CHLSN: variants seen among roughly 807,000 people sequenced by gnomAD.
CHLSN encodes the protein protein cholesin.
At chr7:1,053,826 CA>C in the CHLSN span, among the ~76,000 whole-genome samples, 3 of 151,962 alleles carry the variant, frequency 2.0e-5, no homozygotes, top group African/African-American at 7.3e-5. Flanking sequence ...GACTCCATCT[CA>C]AAAAAACAAA....
the CHLSN span, among the ~76,000 whole-genome samples, chr7:1,037,043 G>A: frequency 1.4e-5 from 2 of 145,898 alleles, no homozygotes; most frequent in South Asian, 2.3e-4. Context: ...CCTGGGAGGC[G>A]GAGGCTGCAG....
At chr7:1,105,529 G>A in the CHLSN span, among the ~76,000 whole-genome samples, 1 of 152,198 alleles carries the variant, frequency 6.6e-6, no homozygotes, top group South Asian at 2.1e-4. Flanking sequence ...GTGACACTAT[G>A]TGCAAAACCA....
At chr7:1,068,743 T>C in the CHLSN span, among the ~76,000 whole-genome samples, 2 of 152,176 alleles carry the variant, frequency 1.3e-5, no homozygotes, top group Admixed American at 1.3e-4. Context: ...TGTCTGTTCT[T>C]ATCAGTCTGC....
the CHLSN span, among the ~76,000 whole-genome samples, chr7:991,719 G>A: frequency 9.6e-3 from 1,466 of 152,342 alleles, 16 homozygotes; most frequent in African/African-American, 0.032. Context: ...TAAAATACAC[G>A]TAGAGAAAAT....
At chr7:1,130,057 G>T in the CHLSN span, among the ~76,000 whole-genome samples, 468 of 152,300 alleles carry the variant, frequency 3.1e-3, 5 homozygotes, top group African/African-American at 9.9e-3. Context: ...CGGGTGGAGG[G>T]GCTCAAGGAC....
At chr7:986,793 G>A in the CHLSN span, 1 of 1,564,128 alleles carries the variant, frequency 6.4e-7, no homozygotes, top group Non-Finnish European at 8.7e-7. Flanking sequence ...ATCCAGCAGG[G>A]ACAGGTGTGT....
the CHLSN span, among the ~76,000 whole-genome samples, chr7:1,080,329 C>T: frequency 0.048 from 7,380 of 152,358 alleles, 260 homozygotes; most frequent in Middle Eastern, 0.082. Flanking sequence ...GGGACACAGA[C>T]CGCGGCACAG....
At chr7:982,219 G>C in the CHLSN span, among the ~76,000 whole-genome samples, 1 of 152,288 alleles carries the variant, frequency 6.6e-6, no homozygotes, top group South Asian at 2.1e-4. Context: ...CCCACCACAG[G>C]AGGCGTGCAA....
chr7:1,077,401 CGCCTCG>C, the CHLSN span, among the ~76,000 whole-genome samples: 13 of 152,218 alleles, frequency 8.5e-5, no homozygotes, highest in Non-Finnish European at 1.8e-4. Context: ...GTGATCCGCC[CGCCTCG>C]GCCTCCCAGA....
chr7:997,762 C>T, the CHLSN span: 1 of 1,610,184 alleles, frequency 6.2e-7, no homozygotes. Context: ...CCCTGCAGCC[C>T]CTCCAGGTAG....
chr7:1,092,942 C>T, the CHLSN span: 1 of 1,272,310 alleles, frequency 7.9e-7, no homozygotes, highest in Non-Finnish European at 1.1e-6. Context: ...CACGTCATGT[C>T]TCTAAACTGC....
At chr7:1,126,618 T>G in the CHLSN span, among the ~76,000 whole-genome samples, 1 of 151,528 alleles carries the variant, frequency 6.6e-6, no homozygotes, top group African/African-American at 2.4e-5. Flanking sequence ...GAGATGGAGG[T>G]TGCACTGAGC....
the CHLSN span, among the ~76,000 whole-genome samples, chr7:1,032,241 A>G: frequency 6.6e-6 from 1 of 152,184 alleles, no homozygotes; most frequent in Non-Finnish European, 1.5e-5. Context: ...CCGCCTGAAA[A>G]TAAAGTCTCT....
the CHLSN span, among the ~76,000 whole-genome samples, chr7:987,918 A>ATCCCCTGTGTGTCCTGGGGGGG: frequency 6.9e-5 from 7 of 102,016 alleles, no homozygotes; most frequent in Middle Eastern, 9.1e-3. Context: ...TGTCCTGGGG[A>ATCCCCTGTGTGTCCTGGGGGGG]TCCCCTGTGT....
chr7:987,376 C>T, the CHLSN span: 2 of 1,593,254 alleles, frequency 1.3e-6, no homozygotes, highest in Admixed American at 1.7e-5. Context: ...AGACCGCGTG[C>T]TGGGCCCTGG....
chr7:1,109,421 G>A, the CHLSN span: 1 of 152,194 alleles, frequency 6.6e-6, no homozygotes, highest in African/African-American at 2.4e-5. Context: ...GAATCCAGCC[G>A]ACACGCGTGG....
chr7:1,022,149 C>G, the CHLSN span, among the ~76,000 whole-genome samples: 2 of 152,200 alleles, frequency 1.3e-5, no homozygotes, highest in African/African-American at 4.8e-5. Context: ...CTGCACTGTT[C>G]GTGAGCCACG....
At chr7:978,789 C>T in the CHLSN span, among the ~76,000 whole-genome samples, 207 of 152,392 alleles carry the variant, frequency 1.4e-3, 1 homozygote, top group African/African-American at 4.6e-3. Flanking sequence ...TAACAAAGCA[C>T]CCCAAGCTTA....
At chr7:1,111,306 G>A in the CHLSN span, among the ~76,000 whole-genome samples, 2 of 152,222 alleles carry the variant, frequency 1.3e-5, no homozygotes, top group African/African-American at 4.8e-5. Context: ...ACAACACCCA[G>A]GGAGGACACA....
Sources: allele counts gnomAD v4.1 joint callset (sites outside exome capture counted in the v4.1 genomes callset), GRCh38; gene constraint gnomAD v4.1.1; transcripts MANE v1.5; gene names NCBI Gene and HGNC (gene_info 2026-07-23, HGNC 2026-07-21).